Variants in OSBPL9 observed in about 807,000 individuals in gnomAD.
The protein encoded by OSBPL9 is oxysterol binding protein like 9.
A neutral mutation model predicts 106.6 loss-of-function variants in OSBPL9; 40 were observed. The observed-to-expected ratio is 0.38, with a 90% CI of 0.29 to 0.49. The LOEUF is 0.49. OSBPL9 is among the 20% of genes least tolerant of loss of function. The pLI is 0.97. For synonymous variants in OSBPL9, 269 were observed against 295.4 expected (o/e 0.91, Z 0.92); for missense variants, 609 against 887.2 (o/e 0.69, Z 3.98).
At chr1:51,585,299 A>C (rs1277330501) in intron 1 of OSBPL9, among the ~76,000 whole-genome samples, 1 of 152,176 alleles carries the variant, frequency 6.6e-6, no homozygotes, top group Non-Finnish European at 1.5e-5. Flanking sequence ...TTTACCACTC[A>C]GCAGCTATGT....
chr1:51,659,061 A>G (rs1055558969), intron 2 of OSBPL9, among the ~76,000 whole-genome samples: 1 of 152,174 alleles, frequency 6.6e-6, no homozygotes, highest in Non-Finnish European at 1.5e-5. Flanking sequence ...ATACTATTTC[A>G]TAATTACAAA....
chr1:51,789,114 C>T lies in OSBPL9; in HGVS notation c.*1325C>T. ...CAAAGGATAAAAAGTAAATCAAATGCTATGATGCCAGTGCAAAACTTCAAT... is the reference window on the plus strand; with the variant it reads ...CAAAGGATAAAAAGTAAATCAAATGTTATGATGCCAGTGCAAAACTTCAAT... On this transcript the variant is annotated 3_prime_UTR_variant, in exon 24 of 24. Transcript: ENST00000428468. The T allele has an allele frequency of 1.1e-6, 1 of 886,630 alleles. No homozygotes were observed. The highest frequency in any genetic ancestry group is 1.8e-6 in the Non-Finnish European group (1 of 551,118). 54.9% of individuals were successfully genotyped at this position (886,630 alleles called of 1,614,324 possible).
intron 4 of OSBPL9, among the ~76,000 whole-genome samples, chr1:51,717,206 A>C (rs567134078): frequency 6.6e-6 from 1 of 152,254 alleles, no homozygotes; most frequent in East Asian, 1.9e-4. Context: ...GGCTCAAGCC[A>C]TCTGCCCACT....
chr1:51,749,179 G>A (rs573864977), intron 7 of OSBPL9, among the ~76,000 whole-genome samples: 1 of 152,234 alleles, frequency 6.6e-6, no homozygotes, highest in African/African-American at 2.4e-5. Flanking sequence ...TTCTGATATA[G>A]TGGACTTCTG....
the OSBPL9 span, among the ~76,000 whole-genome samples, chr1:51,565,293 C>T: frequency 6.6e-6 from 1 of 152,188 alleles, no homozygotes; most frequent in South Asian, 2.1e-4. Context: ...CCATGCCCCA[C>T]CTTGAACCTT....
intron 1 of OSBPL9, among the ~76,000 whole-genome samples, chr1:51,597,705 A>T (rs1645310115): frequency 6.6e-6 from 1 of 152,206 alleles, no homozygotes; most frequent in Non-Finnish European, 1.5e-5. Context: ...AGTTGGGCAG[A>T]GAAAATGGAA....
chr1:51,553,781 C>T, the OSBPL9 span, among the ~76,000 whole-genome samples: 96 of 152,094 alleles, frequency 6.3e-4, no homozygotes, highest in African/African-American at 2.0e-3. Flanking sequence ...CGTGTTCAAG[C>T]GATTCTCCTG....
At chr1:51,775,986 T>A (rs1571722045) in intron 14 of OSBPL9, among the ~76,000 whole-genome samples, 1 of 152,184 alleles carries the variant, frequency 6.6e-6, no homozygotes, top group Non-Finnish European at 1.5e-5. Context: ...AAATTTTTGC[T>A]TACTCTGGGG....
chr1:51,762,909 TAGAAAACATTTATC>T (rs1671827223), intron 11 of OSBPL9, among the ~76,000 whole-genome samples: 1 of 152,266 alleles, frequency 6.6e-6, no homozygotes, highest in African/African-American at 2.4e-5. Context: ...TATATTTTTT[TAGAAAACATTTATC>T]AGTCTTTCAC....
At chr1:51,636,082 A>ATGTGTGTGTGTGTG (rs35392929) in intron 1 of OSBPL9, among the ~76,000 whole-genome samples, 5 of 139,646 alleles carry the variant, frequency 3.6e-5, no homozygotes, top group African/African-American at 1.3e-4. Flanking sequence ...ATGTATGTAT[A>ATGTGTGTGTGTGTG]TGTGTGTGTG....
intron 1 of OSBPL9, among the ~76,000 whole-genome samples, chr1:51,639,731 A>G (rs1026022113): frequency 6.6e-6 from 1 of 152,044 alleles, no homozygotes; most frequent in African/African-American, 2.4e-5. Context: ...GATCTTCAAC[A>G]CAGTGTACTT....
At chr1:51,612,538 A>C (rs1302832203), upstream of OSBPL9, among the ~76,000 whole-genome samples, 1 of 152,186 alleles carries the variant, frequency 6.6e-6, no homozygotes, top group Non-Finnish European at 1.5e-5. Context: ...GTGTAACTTT[A>C]GCTAATTATT....
the OSBPL9 span, among the ~76,000 whole-genome samples, chr1:51,530,334 T>C: frequency 2.0e-5 from 3 of 151,936 alleles, no homozygotes; most frequent in Non-Finnish European, 2.9e-5. Flanking sequence ...CTTCTGTACT[T>C]CGAAGGACAC....
At chr1:51,661,012 T>G (rs1647112299) in intron 2 of OSBPL9, among the ~76,000 whole-genome samples, 1 of 152,194 alleles carries the variant, frequency 6.6e-6, no homozygotes, top group Non-Finnish European at 1.5e-5. Flanking sequence ...TAAACCTGAG[T>G]CTCAGTTTCT....
intron 4 of OSBPL9, among the ~76,000 whole-genome samples, chr1:51,735,313 C>T (rs923318934): frequency 1.2e-4 from 18 of 152,204 alleles, no homozygotes; most frequent in Admixed American, 8.5e-4. Context: ...CTGAGTACCT[C>T]AGCATCTCTT....
chr1:51,711,522 ACCTCCCTCCCGGACGGGGTG>A (rs1659916581), intron 3 of OSBPL9, among the ~76,000 whole-genome samples: 1 of 68,920 alleles, frequency 1.5e-5, no homozygotes, highest in Non-Finnish European at 3.1e-5. Context: ...CTGACCCCCC[ACCTCCCTCCCGGACGGGGTG>A]GCTGCCGGGC....
chr1:51,772,931 T>C (rs1674256702), intron 14 of OSBPL9, among the ~76,000 whole-genome samples: 1 of 152,210 alleles, frequency 6.6e-6, no homozygotes, highest in African/African-American at 2.4e-5. Flanking sequence ...GAACAGTGTG[T>C]ATGAGTTGTA....
intron 3 of OSBPL9, among the ~76,000 whole-genome samples, chr1:51,695,412 C>T (rs947204801): frequency 6.6e-6 from 1 of 152,148 alleles, no homozygotes; most frequent in Non-Finnish European, 1.5e-5. Context: ...ACCCCAATCT[C>T]GTTGGATTCC....
chr1:51,763,224 TC>T (rs929392850), intron 11 of OSBPL9, among the ~76,000 whole-genome samples: 4 of 152,156 alleles, frequency 2.6e-5, no homozygotes, highest in African/African-American at 4.8e-5. Context: ...CAGGCTGGTC[TC>T]GAGCTTCTGA....
Sources: allele counts gnomAD v4.1 joint callset (sites outside exome capture counted in the v4.1 genomes callset), GRCh38; gene constraint gnomAD v4.1.1; transcripts MANE v1.5; gene names NCBI Gene and HGNC (gene_info 2026-07-23, HGNC 2026-07-21).